The following ENPEP variants were observed in gnomAD, a reference collection of about 807,000 sequenced individuals.
The protein encoded by ENPEP is AP-A.
A neutral mutation model predicts 114.5 loss-of-function variants in ENPEP; 103 were observed. That is an observed-to-expected ratio of 0.90 (90% CI 0.77 to 1.06). The LOEUF is 1.06. Ranked by LOEUF, ENPEP falls within the 50% of genes least tolerant of loss-of-function variation. ENPEP has a pLI of 0.00. For synonymous variants in ENPEP, 420 were observed against 422.0 expected, an observed-to-expected ratio of 1.00 and a Z score of 0.06; for missense variants, 1,196 against 1,161.3, an observed-to-expected ratio of 1.03 and a Z score of -0.43.
chr4:110,529,059 C>G (rs974066011), intron 10 of ENPEP, among the ~76,000 whole-genome samples: 1 of 152,136 alleles, frequency 6.6e-6, no homozygotes, highest in Admixed American at 6.5e-5. Context: ...TCTTAAAGAC[C>G]TCAGAGCAGT....
intron 10 of ENPEP, among the ~76,000 whole-genome samples, chr4:110,526,854 G>A (rs1560563971): frequency 6.6e-6 from 1 of 152,156 alleles, no homozygotes; most frequent in African/African-American, 2.4e-5. Context: ...GGAGGGCATG[G>A]CAGATGTTCC....
At chr4:110,488,893 G>A (rs1359361902) in intron 2 of ENPEP, among the ~76,000 whole-genome samples, 2 of 152,174 alleles carry the variant, frequency 1.3e-5, no homozygotes, top group East Asian at 1.9e-4. Context: ...AAGCCAGATT[G>A]GTGTTTCTGT....
At chr4:110,494,306 G>A (rs1359473196) in intron 3 of ENPEP, among the ~76,000 whole-genome samples, 1 of 152,008 alleles carries the variant, frequency 6.6e-6, no homozygotes, top group African/African-American at 2.4e-5. Context: ...GGATTAGTGG[G>A]GTGCATCAAA....
Position 110,562,824 on chromosome 4 carries a change from T to C in ENPEP, c.*1266T>C, listed in dbSNP as rs963270354. ...CTATATCTAGAAAATCTAAATTTAT[T>C]TGGAACTTTCAAAAATGTAAGGTAA... On this transcript the variant is annotated 3_prime_UTR_variant, in exon 20 of 20. Transcript: ENST00000265162. 1 of 152,182 alleles carries C rather than the reference T, an allele frequency of 6.6e-6. No homozygotes were observed. The highest frequency in any genetic ancestry group is 2.4e-5 in the African/African-American group (1 of 41,468). 9.4% of individuals were successfully genotyped at this position (152,182 alleles called of 1,614,324 possible).
At chr4:110,496,238 A>G (rs1243456760) in intron 3 of ENPEP, among the ~76,000 whole-genome samples, 2 of 152,200 alleles carry the variant, frequency 1.3e-5, no homozygotes, top group East Asian at 3.8e-4. Flanking sequence ...AAAACAGCCT[A>G]TCTTTATAAC....
intron 18 of ENPEP, among the ~76,000 whole-genome samples, chr4:110,555,135 A>G (rs1056247034): frequency 3.3e-5 from 5 of 152,066 alleles, no homozygotes; most frequent in Non-Finnish European, 7.4e-5. Context: ...GAAGTACTCC[A>G]AAACTCTTGC....
intron 10 of ENPEP, among the ~76,000 whole-genome samples, chr4:110,525,247 C>G (rs1192250205): frequency 6.6e-6 from 1 of 152,204 alleles, no homozygotes; most frequent in Non-Finnish European, 1.5e-5. Flanking sequence ...CTGAAGGAAA[C>G]AAATTCAAAA....
At chr4:110,494,884 C>G (rs1348689268) in intron 3 of ENPEP, among the ~76,000 whole-genome samples, 1 of 152,148 alleles carries the variant, frequency 6.6e-6, no homozygotes, top group Non-Finnish European at 1.5e-5. Flanking sequence ...AAATCTACTC[C>G]TGAGGTCTTC....
At chr4:110,489,384 G>A (rs1724617789) in intron 2 of ENPEP, among the ~76,000 whole-genome samples, 1 of 151,910 alleles carries the variant, frequency 6.6e-6, no homozygotes, top group African/African-American at 2.4e-5. Flanking sequence ...ACAAGGAGGG[G>A]AACATCAACA....
chr4:110,488,571 A>G lies in ENPEP; in HGVS notation c.675A>G (p.Thr225=), dbSNP rs1724587838. 3 of 1,613,684 alleles carry G rather than the reference A, an allele frequency of 1.9e-6. No individual in the cohort carries two copies. The highest frequency in any genetic ancestry group is 4.5e-5 in the East Asian group (2 of 44,864). The change falls in exon 2 of 20, where the codon ACA becomes ACG. Residue 225 remains threonine, a synonymous_variant. Coordinates refer to ENST00000265162, the MANE Select transcript of ENPEP (RefSeq NM_001977.4). The part of the protein sequence containing the change: ...KSIVATDHEP[T]DARKSFPCFD... ...TAGTGGCCACCGATCATGAACCAAC[A>G]GATGCCAGGAAATCTTTTCCTTGTT...
chr4:110,537,570 G>T (rs1274844029), intron 11 of ENPEP, among the ~76,000 whole-genome samples: 2 of 152,156 alleles, frequency 1.3e-5, no homozygotes, highest in East Asian at 1.9e-4. Flanking sequence ...ACACCTCAAA[G>T]TCATTCCTGA....
chr4:110,500,389 C>T (rs1725109638), intron 3 of ENPEP, among the ~76,000 whole-genome samples: 1 of 152,276 alleles, frequency 6.6e-6, no homozygotes, highest in Admixed American at 6.5e-5. Flanking sequence ...TCCACTGATA[C>T]TAGCTCCATA....
intron 13 of ENPEP, 29 bp from the exon 14 acceptor site, chr4:110,548,147 T>C: frequency 1.1e-6 from 1 of 938,380 alleles, no homozygotes; most frequent in Non-Finnish European, 1.3e-6. Context: ...GAGTTTTTTT[T>C]TTTTTTTTTT....
chr4:110,519,541 A>T (rs1725901549), intron 8 of ENPEP: 1 of 163,402 alleles, frequency 6.1e-6, no homozygotes. Context: ...AAGAAGCTTA[A>T]ATCTAAAAGA....
chr4:110,520,437 AT>A (rs1223267660), intron 10 of ENPEP, 71 bp downstream of exon 10: 2 of 1,473,358 alleles, frequency 1.4e-6, no homozygotes, highest in African/African-American at 2.8e-5. Flanking sequence ...TTTATATCCT[AT>A]TGTTGAGTAC....
chr4:110,513,927 T>A (rs1725670778), intron 7 of ENPEP, among the ~76,000 whole-genome samples: 1 of 152,156 alleles, frequency 6.6e-6, no homozygotes, highest in Non-Finnish European at 1.5e-5. Context: ...ACAGCTTTCC[T>A]AGTAGAACAT....
At chr4:110,545,645 T>C (rs1465108025) in intron 13 of ENPEP, among the ~76,000 whole-genome samples, 1 of 151,990 alleles carries the variant, frequency 6.6e-6, no homozygotes, top group Non-Finnish European at 1.5e-5. Flanking sequence ...TGCTGCCTAC[T>C]TTTGGTCCTC....
chr4:110,553,227 G>A, intron 17 of ENPEP, 88 bp from the exon 18 acceptor site: 1 of 1,202,974 alleles, frequency 8.3e-7, no homozygotes, highest in African/African-American at 1.5e-5. Flanking sequence ...TTGAATTGCT[G>A]GCATGAAAAC....
At chr4:110,502,424 T>TA (rs1441773289) in intron 3 of ENPEP, among the ~76,000 whole-genome samples, 2 of 152,194 alleles carry the variant, frequency 1.3e-5, no homozygotes, top group Non-Finnish European at 2.9e-5. Flanking sequence ...TTACACTTTT[T>TA]AACCTGTCTT....
Sources: allele counts gnomAD v4.1 joint callset (sites outside exome capture counted in the v4.1 genomes callset), GRCh38; gene constraint gnomAD v4.1.1; transcripts MANE v1.5; gene names NCBI Gene and HGNC (gene_info 2026-07-23, HGNC 2026-07-21).